The following SPEN variants were observed in gnomAD, a reference collection of about 807,000 sequenced individuals.
SPEN encodes the protein spen family transcriptional repressor, also known as msx2-interacting protein.
SPEN carries 18 observed loss-of-function variants against 269.9 expected under a neutral mutation model. The observed-to-expected ratio is 0.07, with a 90% confidence interval of 0.05 to 0.10. The LOEUF (loss-of-function observed/expected upper bound fraction) is 0.10. Among genes scored for constraint, SPEN ranks in the 10% least tolerant of loss-of-function variants. The pLI, the probability that SPEN is intolerant of heterozygous loss-of-function variation, is 1.00. For missense variants in SPEN, 3,822 were observed against 4,631.2 expected (o/e 0.83, Z 5.07); for synonymous variants, 1,726 against 1,765.7 (o/e 0.98, Z 0.56).
In SPEN at chr1:15,929,810, G is replaced by A. The variant is rs1253246419; in HGVS notation, c.3570G>A (p.Glu1190=). The change falls in exon 11 of 15, where the codon GAG becomes GAA. Residue 1190 remains glutamate (E), a synonymous_variant. Coordinates refer to ENST00000375759, the MANE Select transcript of SPEN (RefSeq NM_015001.3). The surrounding 1 kb of genome is among the most constrained non-coding windows in gnomAD (Gnocchi z 5.8). ...TGGAAATGGAAATAGCCAAGTCTGA[G>A]AAGTTTGGCAGTCCTAAAAAAGATG... The part of the protein sequence containing the change: ...QQMEMEIAKS[E]KFGSPKKDVD... 6.2e-7 allele frequency: 1 copy of A among 1,614,058 alleles called. No individual in the cohort carries two copies. Among genetic ancestry groups the A allele is most frequent in the East Asian group, 2.2e-5 (1 of 44,900 alleles).
intron 3 of SPEN, among the ~76,000 whole-genome samples, chr1:15,901,987 G>A (rs891307945): frequency 4.8e-5 from 7 of 144,654 alleles, no homozygotes; most frequent in African/African-American, 7.7e-5. Flanking sequence ...AGAATGCAGT[G>A]GCATGATTTC....
Position 15,934,970 on chromosome 1 carries a change from G to A in SPEN, c.8730G>A (p.Glu2910=). ...TGAAGGCCGATAGGCCATCCTTGGA[G>A]AAGCCCGAGCCCATTCACCTCTCGG... is the stretch of plus-strand genomic sequence containing the variant. The part of the protein sequence containing the change: ...SSVKADRPSL[E]KPEPIHLSVS... The change falls in exon 11 of 15, where the codon GAG becomes GAA. Residue 2910 remains glutamate, a synonymous_variant. Transcript: ENST00000375759. This position sits in a 1 kb window ranked among gnomAD's most constrained non-coding sequence, Gnocchi z 9.2. 1.9e-6 allele frequency: 3 copies of A among 1,614,024 alleles called. No individual in the cohort carries two copies. The highest frequency in any genetic ancestry group is 2.5e-6 in the Non-Finnish European group (3 of 1,180,004).
chr1:15,849,780 T>G (rs2070315165), intron 1 of SPEN, among the ~76,000 whole-genome samples: 1 of 152,148 alleles, frequency 6.6e-6, no homozygotes, highest in African/African-American at 2.4e-5. Flanking sequence ...CGTCAGTGTT[T>G]TGATGGAAAA....
At chr1:15,862,803 C>T (rs1295883746) in intron 1 of SPEN, among the ~76,000 whole-genome samples, 1 of 151,702 alleles carries the variant, frequency 6.6e-6, no homozygotes, top group Non-Finnish European at 1.5e-5. Flanking sequence ...GCTCTGTCGC[C>T]CAGGCTAGAG....
intron 3 of SPEN, among the ~76,000 whole-genome samples, chr1:15,885,428 G>C (rs1412203947): frequency 1.3e-5 from 2 of 152,158 alleles, no homozygotes; most frequent in Admixed American, 6.5e-5. Context: ...TTCTTTTTAA[G>C]CATACAAGAG....
At chr1:15,872,753 TC>T (rs1399936048) in intron 1 of SPEN, 62 bp from the exon 2 acceptor site, 1 of 1,392,992 alleles carries the variant, frequency 7.2e-7, no homozygotes, top group Non-Finnish European at 9.6e-7. Context: ...CCAAAAAAAA[TC>T]TAAAAACTCA....
At chr1:15,926,779 G>A (rs926751096) in intron 10 of SPEN, among the ~76,000 whole-genome samples, 4 of 150,252 alleles carry the variant, frequency 2.7e-5, no homozygotes, top group African/African-American at 7.4e-5. Context: ...TGCAAGCTCC[G>A]CCTCCCAGGT....
chr1:15,931,089 C>T lies in SPEN; in HGVS notation c.4849C>T (p.Pro1617Ser), dbSNP rs1353497395. 1.2e-6 allele frequency: 2 copies of T among 1,614,024 alleles called. No individual in the cohort carries two copies. Among genetic ancestry groups the T allele is most frequent in the Non-Finnish European group, 8.5e-7 (1 of 1,180,034 alleles). ...GAAACAGGAAGATACAGAGAATCAT[C>T]CCAAGACCCCAGAATCTGCTCCTGA... The part of the protein sequence containing the change: ...VEKQEDTENH[P>S]KTPESAPENK... The change falls in exon 11 of 15, where the codon CCC becomes TCC. Residue 1617 changes from proline (P) to serine (S), a missense_variant. Coordinates refer to ENST00000375759, the MANE Select transcript of SPEN (RefSeq NM_015001.3). This position sits in a 1 kb window ranked among gnomAD's most constrained non-coding sequence, Gnocchi z 4.8.
intron 1 of SPEN, among the ~76,000 whole-genome samples, chr1:15,850,168 C>G (rs2070319812): frequency 6.6e-6 from 1 of 152,040 alleles, no homozygotes; most frequent in African/African-American, 2.4e-5. Flanking sequence ...ATCAGCAGAG[C>G]CGATCTCAGA....
In SPEN at chr1:15,923,784, C is replaced by T. The variant is rs12563697; in HGVS notation, c.1850+1435C>T. On this transcript the variant is annotated intron_variant, in intron 10 of 14. Coordinates refer to ENST00000375759, the MANE Select transcript of SPEN (RefSeq NM_015001.3). ...TTGCTGGTTCAAGCGATTCTCCTGC[C>T]TCAGCCTCCCGAGTAGCTGGGACTA... Among the ~76,000 whole-genome samples, 275 of 152,048 alleles carry T rather than the reference C, an allele frequency of 1.8e-3. 10 individuals carry two copies. The East Asian group carries it at 0.046, about 26-fold the overall frequency.
At position 15,885,001 on chromosome 1, in the gene SPEN, G is replaced by T. The variant is rs563208154; in HGVS notation, c.881+8323G>T. Reference sequence around the variant, plus strand: ...CTGCCTCCGCCTCCCAAAGTGCTGGGATTTCAGGCATGAGCCACTGAGCCT... The same window carrying T: ...CTGCCTCCGCCTCCCAAAGTGCTGGTATTTCAGGCATGAGCCACTGAGCCT... On this transcript the variant is annotated intron_variant, in intron 3 of 14. Transcript: ENST00000375759. Among the ~76,000 whole-genome samples the T allele has an allele frequency of 6.6e-5, 10 of 152,146 alleles. 1 individual carries two copies. Among genetic ancestry groups the T allele is most frequent in the Non-Finnish European group, 1.3e-4 (9 of 68,026 alleles).
chr1:15,894,985 C>T (rs1014449247), intron 3 of SPEN, among the ~76,000 whole-genome samples: 8 of 151,956 alleles, frequency 5.3e-5, no homozygotes, highest in Non-Finnish European at 1.0e-4. Flanking sequence ...TGCAGTGGCG[C>T]GATCTTGGCT....
chr1:15,858,519 T>C (rs1312656217), intron 1 of SPEN, among the ~76,000 whole-genome samples: 2 of 152,202 alleles, frequency 1.3e-5, no homozygotes, highest in South Asian at 2.1e-4. Context: ...GGCTCTACCA[T>C]TGAGGTTTGC....
At chr1:15,887,307 G>A (rs1263712601) in intron 3 of SPEN, among the ~76,000 whole-genome samples, 2 of 115,442 alleles carry the variant, frequency 1.7e-5, no homozygotes. Flanking sequence ...TTGAGACGGA[G>A]TCTTGCTCTG....
At position 15,929,146 on chromosome 1, in the gene SPEN, C is replaced by T. The variant is rs2071197056; in HGVS notation, c.2906C>T (p.Pro969Leu). Residue 969 changes from proline to leucine, a missense_variant, in exon 11 of 15, where the codon CCT (proline) becomes CTT (leucine). Pro to Leu is a moderately conservative substitution (Grantham distance 98, BLOSUM62 -3). Coordinates refer to ENST00000375759, the MANE Select transcript of SPEN (RefSeq NM_015001.3). This position sits in a 1 kb window ranked among gnomAD's most constrained non-coding sequence, Gnocchi z 5.8. ...AGGAAGCACCTCAAGCCTGAGCAGC[C>T]TGCAGATGGGGTAAGTGCTGTGGAT... ...KARKHLKPEQ[P>L]ADGVSAVDLE... is the part of the protein sequence containing the mutation. 1 of 1,614,056 alleles carries T rather than the reference C, an allele frequency of 6.2e-7. No individual in the cohort carries two copies. The highest frequency in any genetic ancestry group is 1.3e-5 in the African/African-American group (1 of 74,914).
intron 3 of SPEN, among the ~76,000 whole-genome samples, chr1:15,901,731 GGT>G (rs2070903195): frequency 6.6e-6 from 1 of 151,122 alleles, no homozygotes; most frequent in Non-Finnish European, 1.5e-5. Flanking sequence ...AAATGGTAAT[GGT>G]GTCACATCAG....
chr1:15,865,037 G>A (rs999855108), intron 1 of SPEN, among the ~76,000 whole-genome samples: 1 of 151,248 alleles, frequency 6.6e-6, no homozygotes, highest in African/African-American at 2.4e-5. Context: ...GCAGCTTTGA[G>A]TGTGTTTTTA....
At position 15,911,661 on chromosome 1, in the gene SPEN, G is replaced by A. The variant is rs771162890; in HGVS notation, c.1243+360G>A. ...TGTGACAACAGAATTACCTTGAATT[G>A]GAAAGGAAACTACTTCTGGTTGGGC... On this transcript the variant is annotated intron_variant, in intron 5 of 14. Coordinates refer to ENST00000375759, the MANE Select transcript of SPEN (RefSeq NM_015001.3). Among the ~76,000 whole-genome samples, 146 of 152,084 alleles carry A rather than the reference G, an allele frequency of 9.6e-4. 3 individuals are homozygous for A. The highest frequency in any genetic ancestry group is 2.6e-4 in the Admixed American group (4 of 15,262).
chr1:15,867,712 C>G (rs1415291218), intron 1 of SPEN, among the ~76,000 whole-genome samples: 1 of 138,030 alleles, frequency 7.2e-6, no homozygotes, highest in Non-Finnish European at 1.6e-5. Context: ...TTGTCATTGC[C>G]TTTTTTTTTT....
Sources: gnomAD v4.1 joint callset for allele counts (sites outside exome capture counted in the v4.1 genomes callset) on GRCh38, gnomAD v4.1.1 for gene constraint, Gnocchi (gnomAD v3.1) non-coding constraint, MANE v1.5 for transcripts, NCBI Gene and HGNC (gene_info 2026-07-23, HGNC 2026-07-21) for gene names.